Variants in IDE observed in about 807,000 individuals in gnomAD.
IDE encodes the protein insulin-degrading enzyme.
Under a neutral mutation model 133.2 loss-of-function variants are expected in IDE, and 58 were observed. The ratio of observed to expected loss-of-function variants is 0.44; its 90% confidence interval spans 0.35 to 0.54. The LOEUF is 0.54. Among genes scored for constraint, IDE ranks in the 20% least tolerant of loss-of-function variants. IDE has a pLI of 0.00. For missense variants in IDE, 981 were observed against 1,234.0 expected (o/e 0.79, Z 3.07); for synonymous variants, 396 against 421.3 (o/e 0.94, Z 0.73).
intron 13 of IDE, among the ~76,000 whole-genome samples, chr10:92,485,767 A>G (rs1846955200): frequency 6.6e-6 from 1 of 152,076 alleles, no homozygotes; most frequent in Non-Finnish European, 1.5e-5. Context: ...ACATAGCAAG[A>G]TCCCATCTCT....
intron 5 of IDE, among the ~76,000 whole-genome samples, chr10:92,511,879 T>C (rs1433804359): frequency 6.6e-6 from 1 of 152,166 alleles, no homozygotes; most frequent in Non-Finnish European, 1.5e-5. Flanking sequence ...CAATAAAGGT[T>C]TGTGGGCCTG....
chr10:92,464,004 C>A lies in IDE; in HGVS notation c.2489-1G>T. ...CGTGGCCCGCTGAAGACGATATAGC[C>A]TGAAACACAGACATCAGCCAGTCAT... On this transcript the variant is annotated splice_acceptor_variant, in intron 20 of 24. Transcript: ENST00000265986. LOFTEE classifies it high-confidence loss of function. 1 of 1,608,442 alleles carries A rather than the reference C, an allele frequency of 6.2e-7. No homozygotes were observed. Among genetic ancestry groups the A allele is most frequent in the Non-Finnish European group, 8.5e-7 (1 of 1,175,578 alleles).
chr10:92,475,857 T>C, intron 16 of IDE, 27 bp downstream of exon 16: 1 of 831,688 alleles, frequency 1.2e-6, no homozygotes, highest in Non-Finnish European at 1.9e-6. Flanking sequence ...ATCTTATGAA[T>C]AAAAAAGCAG....
At chr10:92,566,428 C>CAT (rs1564687195) in intron 1 of IDE, among the ~76,000 whole-genome samples, 3 of 151,828 alleles carry the variant, frequency 2.0e-5, no homozygotes, top group Non-Finnish European at 4.4e-5. Flanking sequence ...CACACACACA[C>CAT]ACACACACAC....
intron 3 of IDE, among the ~76,000 whole-genome samples, chr10:92,534,160 T>C (rs1294467421): frequency 1.3e-5 from 2 of 152,124 alleles, no homozygotes; most frequent in Admixed American, 6.5e-5. Flanking sequence ...ACTTTCAAAA[T>C]ATCCCCACGG....
At chr10:92,532,020 C>A in intron 3 of IDE, 103 bp from the exon 4 acceptor site, 1 of 775,718 alleles carries the variant, frequency 1.3e-6, no homozygotes, top group Non-Finnish European at 1.9e-6. Context: ...GTAAATTTTG[C>A]AGAATCAGAA....
intron 1 of IDE, among the ~76,000 whole-genome samples, chr10:92,556,714 C>T (rs1030234328): frequency 9.9e-5 from 15 of 151,484 alleles, no homozygotes; most frequent in South Asian, 2.1e-4. Context: ...GCTGAGATCG[C>T]GCCACTGCAC....
intron 10 of IDE, among the ~76,000 whole-genome samples, chr10:92,505,098 T>C (rs959244123): frequency 2.0e-5 from 3 of 152,204 alleles, no homozygotes; most frequent in African/African-American, 7.2e-5. Flanking sequence ...TATTGTTTGA[T>C]GATTCTGCCA....
chr10:92,510,682 A>C (rs985975664), intron 5 of IDE, among the ~76,000 whole-genome samples: 1 of 149,976 alleles, frequency 6.7e-6, no homozygotes. Flanking sequence ...CATATATGAT[A>C]TATATCACAT....
At chr10:92,524,412 T>TATAATA (rs1849446832) in intron 4 of IDE, among the ~76,000 whole-genome samples, 1 of 36,794 alleles carries the variant, frequency 2.7e-5, no homozygotes, top group African/African-American at 9.0e-5. Flanking sequence ...ATAATATATA[T>TATAATA]TATATTATAT....
At chr10:92,514,545 G>A (rs542944212) in intron 5 of IDE, among the ~76,000 whole-genome samples, 1 of 151,884 alleles carries the variant, frequency 6.6e-6, no homozygotes, top group Non-Finnish European at 1.5e-5. Flanking sequence ...GGGCTCAAGC[G>A]ATCTTCAGCC....
At chr10:92,475,040 C>T in intron 16 of IDE, 79 bp from the exon 17 acceptor site, 7 of 1,114,562 alleles carry the variant, frequency 6.3e-6, no homozygotes, top group East Asian at 2.6e-5. Context: ...AATCAAATTT[C>T]AATTCTCTAT....
intron 3 of IDE, among the ~76,000 whole-genome samples, chr10:92,534,125 C>T (rs1292270609): frequency 6.6e-6 from 1 of 152,160 alleles, no homozygotes; most frequent in Non-Finnish European, 1.5e-5. Flanking sequence ...ATTAAATCGG[C>T]CTAATGGAGC....
intron 1 of IDE, among the ~76,000 whole-genome samples, chr10:92,538,340 G>C (rs981014757): frequency 3.3e-5 from 5 of 152,212 alleles, no homozygotes; most frequent in Non-Finnish European, 7.3e-5. Flanking sequence ...CACATGCTCA[G>C]AACATAGGGA....
intron 10 of IDE, 141 bp downstream of exon 10, chr10:92,506,301 A>T (rs1323568935): frequency 1.2e-5 from 5 of 427,242 alleles, no homozygotes; most frequent in Non-Finnish European, 2.1e-5. Context: ...TCCTGACATC[A>T]ACATTTGCCC....
intron 17 of IDE, among the ~76,000 whole-genome samples, chr10:92,472,110 T>C (rs947936815): frequency 2.0e-5 from 3 of 152,176 alleles, no homozygotes; most frequent in African/African-American, 7.2e-5. Flanking sequence ...TGGATTATTG[T>C]AGGAGTATAT....
In IDE at chr10:92,484,201, G is replaced by A. The variant is rs188561209; in HGVS notation, c.1657-864C>T. 2.7e-3 allele frequency among the ~76,000 whole-genome samples: 409 copies of A among 151,680 alleles called. 1 individual carries two copies. Among genetic ancestry groups the A allele is most frequent in the African/African-American group, 9.5e-3 (391 of 41,362 alleles). On this transcript the variant is annotated intron_variant, in intron 13 of 24. Coordinates refer to ENST00000265986, the MANE Select transcript of IDE (RefSeq NM_004969.4). Reference sequence around the variant, plus strand: ...GCCGAGGTGGGTGGATCATGAGGCCGGGAGTTCGAGACCATCCTGGCCAAC... The same window carrying A: ...GCCGAGGTGGGTGGATCATGAGGCCAGGAGTTCGAGACCATCCTGGCCAAC...
At chr10:92,549,806 T>C (rs956313442) in intron 1 of IDE, among the ~76,000 whole-genome samples, 1 of 152,162 alleles carries the variant, frequency 6.6e-6, no homozygotes, top group African/African-American at 2.4e-5. Context: ...TCAGAAAAGT[T>C]ATTTGGTTGG....
chr10:92,566,008 A>G (rs1313975044), intron 1 of IDE, among the ~76,000 whole-genome samples: 1 of 151,878 alleles, frequency 6.6e-6, no homozygotes, highest in Non-Finnish European at 1.5e-5. Flanking sequence ...GAAAGAAAAA[A>G]AAAAAAGACT....
Sources: gnomAD v4.1 joint callset for allele counts (sites outside exome capture counted in the v4.1 genomes callset) on GRCh38, gnomAD v4.1.1 for gene constraint, MANE v1.5 for transcripts, NCBI Gene and HGNC (gene_info 2026-07-23, HGNC 2026-07-21) for gene names.